Variants in DGKB observed in about 807,000 individuals in gnomAD.
The protein encoded by DGKB is diacylglycerol kinase beta, also known as 90 kDa diacylglycerol kinase.
DGKB carries 67 observed loss-of-function variants against 114.3 expected under a neutral mutation model. That is an observed-to-expected ratio of 0.59 (90% confidence interval 0.48 to 0.72). The LOEUF (loss-of-function observed/expected upper bound fraction) is 0.72. DGKB is among the 30% of genes least tolerant of loss of function. The probability of loss-of-function intolerance (pLI) is 0.00; values close to 1 mark genes in which losing one functional copy is unlikely to be tolerated. For synonymous variants in DGKB, 398 were observed against 323.1 expected (o/e 1.23, Z -2.49); for missense variants, 907 against 975.2 (o/e 0.93, Z 0.93).
At chr7:14,478,736 G>A (rs895442219) in intron 20 of DGKB, among the ~76,000 whole-genome samples, 3 of 151,658 alleles carry the variant, frequency 2.0e-5, no homozygotes, top group Non-Finnish European at 4.4e-5. Context: ...ATTTGCTCAG[G>A]TTGTCTTGAT....
intron 19 of DGKB, among the ~76,000 whole-genome samples, chr7:14,579,368 T>C (rs1481302396): frequency 6.6e-6 from 1 of 152,158 alleles, no homozygotes; most frequent in Non-Finnish European, 1.5e-5. Flanking sequence ...TCACAAGAAT[T>C]ATTAGAGTAT....
intron 21 of DGKB, among the ~76,000 whole-genome samples, chr7:14,363,118 C>T (rs1344837039): frequency 2.0e-5 from 3 of 152,120 alleles, no homozygotes; most frequent in Non-Finnish European, 4.4e-5. Context: ...GGCTTCGCCT[C>T]CAGCTCATCC....
intron 21 of DGKB, among the ~76,000 whole-genome samples, chr7:14,405,254 T>TA (rs1823761657): frequency 6.6e-6 from 1 of 151,862 alleles, no homozygotes; most frequent in South Asian, 2.1e-4. Flanking sequence ...TCATGATTTT[T>TA]TAAAAAAATA....
chr7:14,245,481 A>G (rs1219871620), intron 23 of DGKB, among the ~76,000 whole-genome samples: 1 of 152,178 alleles, frequency 6.6e-6, no homozygotes. Flanking sequence ...TCTAGCCAAG[A>G]GGTATGGAGC....
chr7:14,388,129 G>C (rs541789410), intron 21 of DGKB, among the ~76,000 whole-genome samples: 1 of 150,606 alleles, frequency 6.6e-6, no homozygotes, highest in African/African-American at 2.4e-5. Flanking sequence ...CACTCGCCTT[G>C]GCCTCCCAAA....
At chr7:14,481,925 AG>A (rs1384707032) in intron 20 of DGKB, among the ~76,000 whole-genome samples, 3 of 152,010 alleles carry the variant, frequency 2.0e-5, no homozygotes, top group African/African-American at 7.2e-5. Flanking sequence ...TACTTCAAAA[AG>A]TTTTGTCAAA....
At chr7:14,298,357 T>C (rs1052696922) in intron 23 of DGKB, among the ~76,000 whole-genome samples, 1 of 151,904 alleles carries the variant, frequency 6.6e-6, no homozygotes, top group Non-Finnish European at 1.5e-5. Flanking sequence ...CCAAAACAGA[T>C]ATATAGACCA....
intron 1 of DGKB, among the ~76,000 whole-genome samples, chr7:14,863,825 T>C (rs1851325766): frequency 6.6e-6 from 1 of 151,640 alleles, no homozygotes; most frequent in Non-Finnish European, 1.5e-5. Context: ...GGAGGCCGGG[T>C]GTGGTGGCTC....
At chr7:14,311,067 A>G (rs6461081) in intron 23 of DGKB, among the ~76,000 whole-genome samples, 33,270 of 151,962 alleles carry the variant, frequency 0.22, 6,013 homozygotes, top group African/African-American at 0.5. Context: ...GGTTGAGGCT[A>G]CAATGAGCCA....
At chr7:14,170,189 G>GAAAGAAAGA (rs1780769573) in intron 25 of DGKB, among the ~76,000 whole-genome samples, 1 of 138,774 alleles carries the variant, frequency 7.2e-6, no homozygotes, top group South Asian at 2.4e-4. Flanking sequence ...AAGAAAGAAA[G>GAAAGAAAGA]AAAGAAAGAA....
At chr7:14,926,283 T>C (rs1448871352) in intron 1 of DGKB, among the ~76,000 whole-genome samples, 1 of 152,036 alleles carries the variant, frequency 6.6e-6, no homozygotes, top group Non-Finnish European at 1.5e-5. Flanking sequence ...AACCACACCA[T>C]TTGATTCATT....
intron 21 of DGKB, among the ~76,000 whole-genome samples, chr7:14,352,019 T>C (rs1422930521): frequency 6.6e-6 from 1 of 152,146 alleles, no homozygotes; most frequent in African/African-American, 2.4e-5. Context: ...ATTTTTCATA[T>C]TTCTAGACAA....
chr7:14,654,329 C>A (rs998544174), intron 13 of DGKB, among the ~76,000 whole-genome samples: 3 of 151,642 alleles, frequency 2.0e-5, no homozygotes, highest in Non-Finnish European at 4.4e-5. Context: ...ATAAATTTAA[C>A]CAAGGAGGTA....
chr7:14,392,755 A>C (rs913903176), intron 21 of DGKB, among the ~76,000 whole-genome samples: 1 of 152,114 alleles, frequency 6.6e-6, no homozygotes, highest in Non-Finnish European at 1.5e-5. Context: ...CATTCGCAAA[A>C]AGTGGCTATA....
chr7:14,334,520 A>C (rs1458651522), intron 23 of DGKB, among the ~76,000 whole-genome samples: 1 of 151,958 alleles, frequency 6.6e-6, no homozygotes, highest in African/African-American at 2.4e-5. Context: ...TAATGATTTG[A>C]GAACTGTTAA....
intron 23 of DGKB, among the ~76,000 whole-genome samples, chr7:14,259,842 C>T (rs962983245): frequency 4.6e-5 from 7 of 152,154 alleles, no homozygotes; most frequent in African/African-American, 1.7e-4. Context: ...ATAGGAATGT[C>T]TGACATTGTC....
At chr7:14,861,346 A>G (rs895025172) in intron 1 of DGKB, among the ~76,000 whole-genome samples, 1 of 152,022 alleles carries the variant, frequency 6.6e-6, no homozygotes, top group South Asian at 2.1e-4. Flanking sequence ...AATATAATCC[A>G]TATTTAAGAA....
Position 14,897,159 on chromosome 7 carries a change from T to TA in DGKB, c.-188+5432dup, listed in dbSNP as rs573779144. ...GATAGTTTGACCTAAGATGGTACTT[T>TA]AAAAAAAATTGTATTTGGAAAGCCC... On this transcript the variant is annotated intron_variant, in intron 1 of 25. Coordinates refer to ENST00000402815, the MANE Select transcript of DGKB (RefSeq NM_001350709.2). Among the ~76,000 whole-genome samples, 7 of 151,740 alleles carry TA rather than the reference T, an allele frequency of 4.6e-5. No homozygotes were observed. The South Asian group carries it at 6.2e-4, about 14-fold the overall frequency.
At chr7:14,724,786 A>C (rs1469298968) in intron 5 of DGKB, among the ~76,000 whole-genome samples, 1 of 152,214 alleles carries the variant, frequency 6.6e-6, no homozygotes, top group East Asian at 1.9e-4. Context: ...AACGGAGCAA[A>C]AAGGTGAAGA....
Sources: gnomAD v4.1 joint callset for allele counts (sites outside exome capture counted in the v4.1 genomes callset) on GRCh38, gnomAD v4.1.1 for gene constraint, MANE v1.5 for transcripts, NCBI Gene and HGNC (gene_info 2026-07-23, HGNC 2026-07-21) for gene names.